Variants in CCDC171 observed in about 807,000 individuals in gnomAD.
CCDC171 encodes the protein coiled-coil domain-containing protein 171.
CCDC171 carries 177 observed loss-of-function variants against 168.2 expected under a neutral mutation model. The observed-to-expected ratio is 1.05, with a 90% CI of 0.93 to 1.19. CCDC171 has a LOEUF of 1.19. Ranked by LOEUF, CCDC171 falls within the 50% of genes most tolerant of loss-of-function variation. CCDC171 has a pLI of 0.00. For synonymous variants in CCDC171, 687 were observed against 540.8 expected (o/e 1.27, Z -3.75); for missense variants, 1,991 against 1,539.0 (o/e 1.29, Z -4.91).
the CCDC171 span, among the ~76,000 whole-genome samples, chr9:16,077,612 C>G: frequency 6.6e-6 from 1 of 152,198 alleles, no homozygotes; most frequent in Non-Finnish European, 1.5e-5. Context: ...GAGCTCTAAA[C>G]CCAACCCACA....
At chr9:15,738,002 T>G (rs2054606364) in intron 16 of CCDC171, among the ~76,000 whole-genome samples, 1 of 152,212 alleles carries the variant, frequency 6.6e-6, no homozygotes, top group Non-Finnish European at 1.5e-5. Context: ...TTTATGTTTG[T>G]TATATTTTTA....
chr9:16,069,738 C>T, the CCDC171 span, among the ~76,000 whole-genome samples: 1 of 152,182 alleles, frequency 6.6e-6, no homozygotes, highest in Non-Finnish European at 1.5e-5. Flanking sequence ...TTTCCTTTTG[C>T]ACAGCCTAAG....
intron 18 of CCDC171, among the ~76,000 whole-genome samples, chr9:15,769,958 A>G (rs1370774332): frequency 6.6e-6 from 1 of 152,174 alleles, no homozygotes; most frequent in Non-Finnish European, 1.5e-5. Context: ...TTCCTTTCCA[A>G]TACAAATTGC....
intron 2 of CCDC171, among the ~76,000 whole-genome samples, chr9:15,566,672 CTT>C (rs1306469728): frequency 6.6e-6 from 1 of 152,164 alleles, no homozygotes; most frequent in African/African-American, 2.4e-5. Context: ...AAGTTTTTAA[CTT>C]TGATGAAGTC....
intron 6 of CCDC171, among the ~76,000 whole-genome samples, chr9:15,613,458 C>T (rs1016668620): frequency 4.6e-5 from 7 of 151,758 alleles, no homozygotes; most frequent in Admixed American, 4.6e-4. Flanking sequence ...TAAATGTTAT[C>T]TATACATACA....
At chr9:15,846,869 A>C (rs1274492419) in intron 22 of CCDC171, 22 bp downstream of exon 22, 4 of 1,585,664 alleles carry the variant, frequency 2.5e-6, no homozygotes, top group East Asian at 4.6e-5. Context: ...GACCTTGGGG[A>C]GATCACTTAA....
Position 15,982,332 on chromosome 9 carries a change from A to C in CCDC171, n.369-38257A>C, listed in dbSNP as rs556629931. ...CTCACCAGCTGTGTGTCCTTAGGCA[A>C]GTTATTTAACCTCGTGAACCTCAGA... On this transcript the variant is annotated intron_variant and non_coding_transcript_variant, in intron 3 of 9. Transcript: ENST00000486641. Among the ~76,000 whole-genome samples the C allele has an allele frequency of 2.0e-5, 3 of 152,302 alleles. No individual in the cohort carries two copies. In the East Asian group the frequency reaches 5.8e-4, roughly 29 times the overall value.
At chr9:15,648,720 A>G (rs1472894933) in intron 7 of CCDC171, among the ~76,000 whole-genome samples, 2 of 152,206 alleles carry the variant, frequency 1.3e-5, no homozygotes, top group Admixed American at 1.3e-4. Flanking sequence ...AAGGAGAACT[A>G]CAAACCAGTG....
At chr9:16,066,850 C>G in the CCDC171 span, among the ~76,000 whole-genome samples, 2 of 149,380 alleles carry the variant, frequency 1.3e-5, no homozygotes, top group Non-Finnish European at 3.0e-5. Context: ...TTTTCTTAAT[C>G]CAGTCTATCA....
chr9:16,013,432 A>C lies in CCDC171; in HGVS notation n.369-7157A>C, dbSNP rs1241943863. Among the ~76,000 whole-genome samples, 25 of 152,072 alleles carry C rather than the reference A, an allele frequency of 1.6e-4. No individual in the cohort carries two copies. In the East Asian group the frequency reaches 3.7e-3, roughly 22 times the overall value. On this transcript the variant is annotated intron_variant and non_coding_transcript_variant, in intron 3 of 9. Coordinates refer to the CCDC171 transcript ENST00000486641. The stretch of plus-strand genomic sequence containing the variant: ...ATTCTTTCCTGGATCTCTTCTATTT[A>C]CTCACTAAGGCCTACCTTTGCAATC...
intron 9 of CCDC171, among the ~76,000 whole-genome samples, chr9:15,676,907 A>T (rs1170630269): frequency 6.6e-6 from 1 of 152,132 alleles, no homozygotes; most frequent in African/African-American, 2.4e-5. Context: ...TTAGGTGATT[A>T]TATATGAAAT....
chr9:15,570,159 C>T (rs1219822831), intron 2 of CCDC171, among the ~76,000 whole-genome samples: 2 of 151,914 alleles, frequency 1.3e-5, no homozygotes, highest in African/African-American at 2.4e-5. Context: ...TTAGTAGAGG[C>T]AGGATTTCAC....
chr9:15,864,135 A>G (rs925319515), intron 23 of CCDC171, among the ~76,000 whole-genome samples: 1 of 152,010 alleles, frequency 6.6e-6, no homozygotes, highest in Non-Finnish European at 1.5e-5. Context: ...GAGTTCTGAA[A>G]AAAGCTAATT....
the CCDC171 span, among the ~76,000 whole-genome samples, chr9:16,088,189 C>T: frequency 6.6e-6 from 1 of 152,180 alleles, no homozygotes; most frequent in African/African-American, 2.4e-5. Context: ...ATGCTAAAAA[C>T]TCTCAATAAA....
intron 10 of CCDC171, among the ~76,000 whole-genome samples, chr9:15,684,424 G>A (rs2050242760): frequency 6.6e-6 from 1 of 151,342 alleles, no homozygotes; most frequent in East Asian, 1.9e-4. Context: ...TGGCCTTCAT[G>A]GTTTTTATTG....
chr9:15,932,190 TCAC>T (rs1826610459), intron 25 of CCDC171, among the ~76,000 whole-genome samples: 1 of 151,982 alleles, frequency 6.6e-6, no homozygotes, highest in East Asian at 1.9e-4. Context: ...CATCTATAGA[TCAC>T]TTTGGGCAGT....
chr9:15,895,541 T>C (rs1169478), intron 24 of CCDC171, among the ~76,000 whole-genome samples: 61,667 of 151,926 alleles, frequency 0.41, 12,692 homozygotes, highest in Admixed American at 0.43. Context: ...ATACTCTGTC[T>C]TATCTATATG....
At chr9:15,881,543 C>T (rs1000552457) in intron 24 of CCDC171, among the ~76,000 whole-genome samples, 2 of 152,092 alleles carry the variant, frequency 1.3e-5, no homozygotes, top group Non-Finnish European at 2.9e-5. Context: ...ACTGTAGTTA[C>T]CCTACTGATC....
At chr9:15,906,070 T>G (rs1435204859) in intron 24 of CCDC171, among the ~76,000 whole-genome samples, 1 of 152,194 alleles carries the variant, frequency 6.6e-6, no homozygotes, top group Non-Finnish European at 1.5e-5. Context: ...CCAGATGGAT[T>G]CACAGCCGAA....
Sources: gnomAD v4.1 joint callset for allele counts (sites outside exome capture counted in the v4.1 genomes callset) on GRCh38, gnomAD v4.1.1 for gene constraint, MANE v1.5 for transcripts, NCBI Gene and HGNC (gene_info 2026-07-23, HGNC 2026-07-21) for gene names.